GHR: variants seen among roughly 807,000 people sequenced by gnomAD.
The protein encoded by GHR is growth hormone receptor.
GHR carries 35 observed loss-of-function variants against 67.1 expected under a neutral mutation model. The observed-to-expected ratio is 0.52, with a 90% CI of 0.40 to 0.69. GHR has a LOEUF of 0.69. Ranked by LOEUF, GHR falls within the 30% of genes least tolerant of loss-of-function variation. The probability of loss-of-function intolerance (pLI) is 0.00; values close to 1 mark genes in which losing one functional copy is unlikely to be tolerated. For synonymous variants in GHR, 272 were observed against 269.1 expected (o/e 1.01, Z -0.10); for missense variants, 792 against 764.6 (o/e 1.04, Z -0.42).
At chr5:42,702,026 C>T (rs1757955754) in intron 6 of GHR, among the ~76,000 whole-genome samples, 1 of 152,006 alleles carries the variant, frequency 6.6e-6, no homozygotes, top group African/African-American at 2.4e-5. Context: ...CACTAAGTAA[C>T]ATATGCATTA....
At chr5:42,687,930 G>A (rs1307256959) in intron 3 of GHR, among the ~76,000 whole-genome samples, 2 of 152,188 alleles carry the variant, frequency 1.3e-5, no homozygotes, top group African/African-American at 4.8e-5. Context: ...ACACAAAAAT[G>A]TGTTTTGCTT....
intron 1 of GHR, among the ~76,000 whole-genome samples, chr5:42,475,908 T>A (rs773306728): frequency 0.058 from 4,433 of 76,914 alleles, 203 homozygotes; most frequent in African/African-American, 0.21. Context: ...AGATTAAAAA[T>A]TTTTTTTTTT....
At position 42,719,629 on chromosome 5, in the gene GHR, C is replaced by A; in HGVS notation, c.*205C>A. 1.7e-6 allele frequency: 1 copy of A among 586,444 alleles called. No individual in the cohort carries two copies. Among genetic ancestry groups the A allele is most frequent in the Non-Finnish European group, 3.1e-6 (1 of 326,210 alleles). 36.3% of individuals were successfully genotyped at this position (586,444 alleles called of 1,614,324 possible). Reference sequence around the variant, plus strand: ...TAATCAGATAGATATTCCTATTGTGCAATGTAAATATTTTAAAGAATTGTG... The same window carrying A: ...TAATCAGATAGATATTCCTATTGTGAAATGTAAATATTTTAAAGAATTGTG... On this transcript the variant is annotated 3_prime_UTR_variant, in exon 10 of 10. Coordinates refer to ENST00000230882, the MANE Select transcript of GHR (RefSeq NM_000163.5).
intron 1 of GHR, among the ~76,000 whole-genome samples, chr5:42,519,017 G>A (rs1747361506): frequency 6.6e-6 from 1 of 152,194 alleles, no homozygotes; most frequent in South Asian, 2.1e-4. Flanking sequence ...ATCTCCCTGT[G>A]CTGGAGTGTT....
intron 1 of GHR, among the ~76,000 whole-genome samples, chr5:42,492,062 A>T (rs1746137796): frequency 6.6e-6 from 1 of 152,198 alleles, no homozygotes; most frequent in Middle Eastern, 3.2e-3. Flanking sequence ...TCATGGACAG[A>T]TAGTTCTGGC....
intron 6 of GHR, among the ~76,000 whole-genome samples, chr5:42,708,592 T>C (rs1324614331): frequency 6.6e-6 from 1 of 152,164 alleles, no homozygotes; most frequent in Non-Finnish European, 1.5e-5. Flanking sequence ...TCTCAAATTT[T>C]TAAGAGTGTA....
At chr5:42,451,411 G>C (rs1410304649) in intron 1 of GHR, among the ~76,000 whole-genome samples, 1 of 147,728 alleles carries the variant, frequency 6.8e-6, no homozygotes, top group Admixed American at 6.7e-5. Flanking sequence ...TTTTTCCACT[G>C]TTGTTGCTTT....
chr5:42,512,559 C>T (rs940444530), intron 1 of GHR, among the ~76,000 whole-genome samples: 6 of 152,148 alleles, frequency 3.9e-5, no homozygotes, highest in African/African-American at 1.4e-4. Context: ...GACCAGAGAG[C>T]ATGCCCCTGT....
intron 2 of GHR, among the ~76,000 whole-genome samples, chr5:42,585,506 T>C (rs1188314804): frequency 6.6e-6 from 1 of 152,222 alleles, no homozygotes; most frequent in Non-Finnish European, 1.5e-5. Context: ...CCTGGAATGT[T>C]CCAAAAAACC....
chr5:42,567,620 G>A (rs1170481340), intron 2 of GHR, among the ~76,000 whole-genome samples: 1 of 150,150 alleles, frequency 6.7e-6, no homozygotes, highest in African/African-American at 2.5e-5. Flanking sequence ...TTGTCTTATT[G>A]AACTAACCAA....
In GHR at chr5:42,718,560, T is replaced by C. The variant is rs1276435183; in HGVS notation, c.1053T>C (p.Asp351=). ...SWVEFIELDI[D]EPDEKTEESD... is the part of the protein sequence containing the mutation. ...TTGAATTTATTGAGCTAGATATTGA[T>C]GAGCCAGATGAAAAGACTGAGGAAT... Residue 351 remains aspartate (D), a synonymous_variant, in exon 10 of 10, where the codon GAT becomes GAC. Coordinates refer to ENST00000230882, the MANE Select transcript of GHR (RefSeq NM_000163.5). 2.6e-5 allele frequency: 42 copies of C among 1,613,854 alleles called. No homozygotes were observed. Among genetic ancestry groups the C allele is most frequent in the Non-Finnish European group, 3.5e-5 (41 of 1,179,878 alleles).
intron 7 of GHR, among the ~76,000 whole-genome samples, chr5:42,712,659 G>C (rs1341710480): frequency 6.6e-6 from 1 of 151,952 alleles, no homozygotes; most frequent in Non-Finnish European, 1.5e-5. Context: ...ATAAAAAAGT[G>C]GTTAGCCTCT....
chr5:42,676,017 T>C (rs1211523965), intron 3 of GHR, among the ~76,000 whole-genome samples: 1 of 152,248 alleles, frequency 6.6e-6, no homozygotes, highest in African/African-American at 2.4e-5. Flanking sequence ...CTGGGTATGG[T>C]GGCTCACGCC....
Position 42,719,226 on chromosome 5 carries a change from C to G in GHR, c.1719C>G (p.Thr573=). 2.5e-6 allele frequency: 4 copies of G among 1,613,982 alleles called. No homozygotes were observed. The highest frequency in any genetic ancestry group is 3.4e-6 in the Non-Finnish European group (4 of 1,179,874). The change falls in exon 10 of 10, where the codon ACC becomes ACG. Residue 573 remains threonine (T), a synonymous_variant. Transcript: ENST00000230882. ...EDIYITTESL[T]TAAGRPGTGE... ...TTTACATCACCACAGAAAGCCTTAC[C>G]ACTGCTGCTGGGAGGCCTGGGACAG...
intron 1 of GHR, among the ~76,000 whole-genome samples, chr5:42,507,182 C>A (rs1285637039): frequency 6.6e-6 from 1 of 152,148 alleles, no homozygotes; most frequent in Non-Finnish European, 1.5e-5. Flanking sequence ...ATAAAATCAG[C>A]TTTGTTGTCA....
intron 2 of GHR, among the ~76,000 whole-genome samples, chr5:42,574,688 G>GA (rs902017401): frequency 1.3e-4 from 19 of 151,874 alleles, no homozygotes; most frequent in African/African-American, 1.9e-4. Context: ...CACTTTAAGG[G>GA]AAAAAAATGG....
At chr5:42,696,974 A>T (rs1280028734) in intron 5 of GHR, among the ~76,000 whole-genome samples, 1 of 152,176 alleles carries the variant, frequency 6.6e-6, no homozygotes, top group Non-Finnish European at 1.5e-5. Flanking sequence ...AGAGAAATTA[A>T]TCTTGTTGCA....
chr5:42,603,843 T>C (rs751782607), intron 2 of GHR, among the ~76,000 whole-genome samples: 6 of 152,158 alleles, frequency 3.9e-5, no homozygotes, highest in South Asian at 4.1e-4. Context: ...ATCCTACAGA[T>C]TGGGGGCTCA....
intron 1 of GHR, among the ~76,000 whole-genome samples, chr5:42,559,171 G>A (rs1180582688): frequency 1.3e-5 from 2 of 152,078 alleles, no homozygotes; most frequent in Non-Finnish European, 2.9e-5. Context: ...CATTTTAAGT[G>A]CTCAATAGCC....
Sources: gnomAD v4.1 joint callset for allele counts (sites outside exome capture counted in the v4.1 genomes callset) on GRCh38, gnomAD v4.1.1 for gene constraint, MANE v1.5 for transcripts, NCBI Gene and HGNC (gene_info 2026-07-23, HGNC 2026-07-21) for gene names.